RAD21: variants seen among roughly 807,000 people sequenced by gnomAD.
RAD21 encodes the protein RAD21 cohesin complex component.
Under a neutral mutation model 71.5 loss-of-function variants are expected in RAD21, and 18 were observed. The ratio of observed to expected loss-of-function variants is 0.25; its 90% confidence interval spans 0.17 to 0.37. The LOEUF (loss-of-function observed/expected upper bound fraction) is 0.37. RAD21 is among the 10% of genes least tolerant of loss of function. The pLI is 1.00. For missense variants in RAD21, 493 were observed against 769.1 expected (o/e 0.64, Z 4.25); for synonymous variants, 248 against 254.0 (o/e 0.98, Z 0.22).
chr8:116,866,482 C>T, intron 2 of RAD21, 104 bp downstream of exon 2: 2 of 993,178 alleles, frequency 2.0e-6, no homozygotes, highest in Non-Finnish European at 2.8e-6. Context: ...AAGGATTTTC[C>T]TTGCACTCCA....
chr8:116,871,719 C>G (rs939940478), intron 1 of RAD21, among the ~76,000 whole-genome samples: 19 of 152,158 alleles, frequency 1.2e-4, no homozygotes, highest in African/African-American at 4.1e-4. Flanking sequence ...ACGAAAAAAT[C>G]CTAAGAAAAC....
intron 5 of RAD21, 58 bp downstream of exon 5, chr8:116,858,294 C>T (rs1364438277): frequency 1.6e-5 from 21 of 1,284,308 alleles, no homozygotes; most frequent in Non-Finnish European, 2.2e-5. Flanking sequence ...TTTGAAATTG[C>T]TATTAGCAAC....
intron 2 of RAD21, 57 bp from the exon 3 acceptor site, chr8:116,863,316 T>G: frequency 6.5e-7 from 1 of 1,538,822 alleles, no homozygotes; most frequent in Non-Finnish European, 8.8e-7. Context: ...ATTCATAGTC[T>G]TCTTTTTATC....
Position 116,854,281 on chromosome 8 carries a change from T to C in RAD21, c.1125A>G (p.Leu375=), listed in dbSNP as rs1236355620. 1.2e-6 allele frequency: 2 copies of C among 1,613,666 alleles called. No individual in the cohort carries two copies. Among genetic ancestry groups the C allele is most frequent in the East Asian group, 2.2e-5 (1 of 44,880 alleles). ...ETGGVEKLFS[L]PAQPLWNNRL... ...TGTTATTCCACAAAGGCTGAGCAGG[T>C]AAAGAAAACAGTTTTTCTACTCCTC... is the stretch of plus-strand genomic sequence containing the variant. Residue 375 remains leucine, a synonymous_variant, in exon 9 of 14, where the codon TTA becomes TTG. Coordinates refer to ENST00000297338, the MANE Select transcript of RAD21 (RefSeq NM_006265.3).
intron 11 of RAD21, 87 bp downstream of exon 11, chr8:116,851,861 A>ATTT: frequency 7.1e-7 from 1 of 1,399,838 alleles, no homozygotes; most frequent in East Asian, 2.3e-5. Context: ...CAAAACCAAG[A>ATTT]TACTTTAAAA....
At chr8:116,852,239 A>G (rs896349513) in intron 10 of RAD21, 143 bp from the exon 11 acceptor site, 8 of 836,876 alleles carry the variant, frequency 9.6e-6, no homozygotes, top group Non-Finnish European at 1.4e-5. Context: ...TTAGCTCCAT[A>G]AAGATTTACT....
intron 12 of RAD21, chr8:116,849,344 TG>T (rs1264387979): frequency 1.0e-5 from 3 of 288,420 alleles, no homozygotes; most frequent in Non-Finnish European, 1.9e-5. Flanking sequence ...ATGGAGGTTT[TG>T]GTTACTGGCC....
At chr8:116,847,754 G>A in intron 13 of RAD21, 63 bp from the exon 14 acceptor site, 3 of 1,399,652 alleles carry the variant, frequency 2.1e-6, no homozygotes, top group Non-Finnish European at 2.9e-6. Flanking sequence ...CAGTGAGGAT[G>A]CTGATACAGT....
rs1308316594 is a variant in RAD21 at position 116,874,715 on chromosome 8, G to C, written c.-137C>G. The C allele has an allele frequency of 2.2e-6, 1 of 448,062 alleles. No homozygotes were observed. Among genetic ancestry groups the C allele is most frequent in the African/African-American group, 2.0e-5 (1 of 49,962 alleles). The allele number at this position is 448,062 out of a possible 1,614,324, so 27.8% of individuals were successfully genotyped here. ...GGAGCCCTTGCGAGGTGTAGCTTCCGAGCAGCTCCCGCCGCCGCCACAGCC... is the reference window on the plus strand; with the variant it reads ...GGAGCCCTTGCGAGGTGTAGCTTCCCAGCAGCTCCCGCCGCCGCCACAGCC... On this transcript the variant is annotated 5_prime_UTR_variant, in exon 1 of 14. Transcript: ENST00000297338.
Position 116,866,616 on chromosome 8 carries a change from C to T in RAD21, c.114G>A (p.Glu38=). 1 of 1,612,760 alleles carries T rather than the reference C, an allele frequency of 6.2e-7. No individual in the cohort carries two copies. Among genetic ancestry groups the T allele is most frequent in the African/African-American group, 1.3e-5 (1 of 74,988 alleles). ...GTGAGATGATACTCTCCACGCTGCT[C>T]TCTAAATTACACTCGAACACATGGG... The part of the protein sequence containing the change: ...TKAHVFECNL[E]SSVESIISPK... The change falls in exon 2 of 14, where the codon GAG becomes GAA. Residue 38 remains glutamate (E), a synonymous_variant. Transcript: ENST00000297338.
In RAD21 at chr8:116,846,592, T is replaced by C. The variant is rs1812256550; in HGVS notation, c.*908A>G. On this transcript the variant is annotated 3_prime_UTR_variant, in exon 14 of 14. Coordinates refer to ENST00000297338, the MANE Select transcript of RAD21 (RefSeq NM_006265.3). The stretch of plus-strand genomic sequence containing the variant: ...AGAGAAGCCGTTAGTTTTTACAGCA[T>C]CGTCTGCTTAAAAGCTAAGTTGACC... The C allele has an allele frequency of 4.4e-6, 1 of 228,754 alleles. No homozygotes were observed. Among genetic ancestry groups the C allele is most frequent in the African/African-American group, 2.2e-5 (1 of 45,082 alleles). The allele number at this position is 228,754 out of a possible 1,614,324, so 14.2% of individuals were successfully genotyped here. A position where few individuals can be genotyped will look rare whatever the true frequency, so the allele number is the denominator to read the frequency against.
At position 116,855,947 on chromosome 8, in the gene RAD21, T is replaced by C. The variant is rs187192715; in HGVS notation, c.937+219A>G. ...TTCTACAAAATACTCAAAATTATAA[T>C]TGGATAGAAGAAAGACTCTATGACA... is the stretch of plus-strand genomic sequence containing the variant. On this transcript the variant is annotated intron_variant, in intron 8 of 13. Transcript: ENST00000297338. 2.9e-3 allele frequency among the ~76,000 whole-genome samples: 440 copies of C among 152,152 alleles called. 2 individuals carry two copies. The highest frequency in any genetic ancestry group is 0.01 in the African/African-American group (421 of 41,504).
chr8:116,873,026 C>T (rs1263494981), intron 1 of RAD21, among the ~76,000 whole-genome samples: 1 of 152,198 alleles, frequency 6.6e-6, no homozygotes, highest in African/African-American at 2.4e-5. Flanking sequence ...CAAGGGCACA[C>T]CTAACATAGT....
At chr8:116,856,085 T>A in intron 8 of RAD21, 81 bp downstream of exon 8, 1 of 1,465,788 alleles carries the variant, frequency 6.8e-7, no homozygotes, top group Non-Finnish European at 9.2e-7. Flanking sequence ...AATACAACAG[T>A]AGCAGATCAG....
At chr8:116,847,836 G>T (rs1431725606) in intron 13 of RAD21, 145 bp from the exon 14 acceptor site, 1 of 783,078 alleles carries the variant, frequency 1.3e-6, no homozygotes, top group Non-Finnish European at 2.0e-6. Context: ...GCCTAGTGAG[G>T]TGTTTGTGTC....
chr8:116,863,118 G>C lies in RAD21; in HGVS notation c.274+12C>G. 6.3e-7 allele frequency: 1 copy of C among 1,594,944 alleles called. No individual in the cohort carries two copies. Among genetic ancestry groups the C allele is most frequent in the Non-Finnish European group, 8.6e-7 (1 of 1,167,836 alleles). Reference sequence around the variant, plus strand: ...AACAACAACAACAAAAACCAAACAAGTTTAACAATACCTGGCCGAAAAGCC... The same window carrying C: ...AACAACAACAACAAAAACCAAACAACTTTAACAATACCTGGCCGAAAAGCC... On this transcript the variant is annotated intron_variant, in intron 3 of 13. Transcript: ENST00000297338.
intron 2 of RAD21, among the ~76,000 whole-genome samples, chr8:116,865,457 A>G (rs1371321133): frequency 1.3e-5 from 2 of 152,158 alleles, no homozygotes; most frequent in Non-Finnish European, 2.9e-5. Context: ...GAAAATACCA[A>G]TGTTCTCATA....
intron 2 of RAD21, among the ~76,000 whole-genome samples, chr8:116,866,040 T>C (rs1270176057): frequency 2.0e-5 from 3 of 152,148 alleles, no homozygotes; most frequent in Non-Finnish European, 2.9e-5. Flanking sequence ...ACTATTATAC[T>C]ATCATGCAAA....
At chr8:116,857,615 CTTTAAT>C (rs1812497002) in intron 5 of RAD21, 142 bp from the exon 6 acceptor site, 2 of 565,056 alleles carry the variant, frequency 3.5e-6, no homozygotes, top group Admixed American at 4.2e-5. Context: ...CTAGTTTAAA[CTTTAAT>C]TCTTTAGCAT....
Sources: allele counts gnomAD v4.1 joint callset (sites outside exome capture counted in the v4.1 genomes callset), GRCh38; gene constraint gnomAD v4.1.1; transcripts MANE v1.5; gene names NCBI Gene and HGNC (gene_info 2026-07-23, HGNC 2026-07-21).